Variants in MINDY2 observed in about 807,000 individuals in gnomAD.
MINDY2 encodes the protein ubiquitin carboxyl-terminal hydrolase MINDY-2.
In MINDY2, 52 loss-of-function variants were observed where a neutral mutation model predicts 68.2. The ratio of observed to expected loss-of-function variants is 0.76; its 90% CI spans 0.61 to 0.96. The LOEUF is 0.96. MINDY2 is among the 40% of genes least tolerant of loss of function. The pLI, the probability that MINDY2 is intolerant of heterozygous loss-of-function variation, is 0.00. For missense variants in MINDY2, 881 were observed against 773.4 expected (o/e 1.14, Z -1.65); for synonymous variants, 372 against 303.0 (o/e 1.23, Z -2.36).
intron 4 of MINDY2, among the ~76,000 whole-genome samples, chr15:58,816,861 G>A (rs1460129764): frequency 1.3e-5 from 2 of 152,132 alleles, no homozygotes; most frequent in Non-Finnish European, 2.9e-5. Flanking sequence ...GCTGAGGTAG[G>A]AGAATCACTT....
At chr15:58,829,981 C>A (rs1484374594) in intron 5 of MINDY2, among the ~76,000 whole-genome samples, 1 of 151,976 alleles carries the variant, frequency 6.6e-6, no homozygotes, top group Non-Finnish European at 1.5e-5. Flanking sequence ...ATCTTTAGTC[C>A]CTGTATCTAT....
chr15:58,809,128 C>T (rs1341386700), intron 3 of MINDY2, among the ~76,000 whole-genome samples: 1 of 152,164 alleles, frequency 6.6e-6, no homozygotes, highest in Non-Finnish European at 1.5e-5. Flanking sequence ...GGGAGGATCA[C>T]TTGAGCCCAG....
intron 2 of MINDY2, among the ~76,000 whole-genome samples, chr15:58,800,208 T>C (rs1902549196): frequency 6.6e-6 from 1 of 152,198 alleles, no homozygotes; most frequent in Admixed American, 6.5e-5. Context: ...TGTTTTCTGT[T>C]TATTTAGAAT....
At position 58,861,588 on chromosome 15, in the gene MINDY2, A is replaced by G. The variant is rs2033219534; in HGVS notation, c.*6978A>G. 6.6e-6 allele frequency: 1 copy of G among 152,224 alleles called. No homozygotes were observed. The highest frequency in any genetic ancestry group is 1.5e-5 in the Non-Finnish European group (1 of 68,038). The allele number at this position is 152,224 out of a possible 1,614,324, so 9.4% of individuals were successfully genotyped here. A position where few individuals can be genotyped will look rare whatever the true frequency, so the allele number is the denominator to read the frequency against. ...ATTTCTGTGAAATAAATTTGTTTTAAATACTAATTATTTTAAAACTACTTA... is the reference window on the plus strand; with the variant it reads ...ATTTCTGTGAAATAAATTTGTTTTAGATACTAATTATTTTAAAACTACTTA... On this transcript the variant is annotated 3_prime_UTR_variant, in exon 9 of 9. Transcript: ENST00000559228.
intron 3 of MINDY2, among the ~76,000 whole-genome samples, chr15:58,807,203 A>G (rs1026254732): frequency 6.6e-6 from 1 of 152,088 alleles, no homozygotes; most frequent in South Asian, 2.1e-4. Context: ...TGTCTTTAGT[A>G]TCTTGTACAG....
At chr15:58,807,098 A>G (rs1903065340) in intron 3 of MINDY2, among the ~76,000 whole-genome samples, 2 of 152,162 alleles carry the variant, frequency 1.3e-5, no homozygotes, top group Admixed American at 6.5e-5. Context: ...TCAAATTTCA[A>G]AGAGAATCCG....
intron 7 of MINDY2, among the ~76,000 whole-genome samples, chr15:58,850,492 C>T (rs2032758993): frequency 6.6e-6 from 1 of 152,080 alleles, no homozygotes; most frequent in South Asian, 2.1e-4. Context: ...GTGATTTAAA[C>T]TTTGTTGTTT....
In MINDY2 at chr15:58,857,099, C is replaced by T. The variant is rs1336415958; in HGVS notation, c.*2489C>T. ...CTTTTTCTATGTAATATTTCCAAGT[C>T]AGACTTTCTTACATTCCTGGAATTT... On this transcript the variant is annotated 3_prime_UTR_variant, in exon 9 of 9. Coordinates refer to ENST00000559228, the MANE Select transcript of MINDY2 (RefSeq NM_001040450.3). The T allele has an allele frequency of 6.6e-6, 1 of 152,114 alleles. No homozygotes were observed. Among genetic ancestry groups the T allele is most frequent in the Non-Finnish European group, 1.5e-5 (1 of 68,042 alleles). The allele number at this position is 152,114 out of a possible 1,614,324, so 9.4% of individuals were successfully genotyped here. A position where few individuals can be genotyped will look rare whatever the true frequency, so the allele number is the denominator to read the frequency against.
chr15:58,806,100 G>C (rs2140964011), intron 3 of MINDY2, among the ~76,000 whole-genome samples: 1 of 152,260 alleles, frequency 6.6e-6, no homozygotes, highest in East Asian at 1.9e-4. Flanking sequence ...AAAAGACAAA[G>C]TCTCCCTCTG....
chr15:58,852,490 A>G (rs1308116160), intron 8 of MINDY2, among the ~76,000 whole-genome samples: 1 of 152,146 alleles, frequency 6.6e-6, no homozygotes, highest in African/African-American at 2.4e-5. Flanking sequence ...AATTCGTAAT[A>G]GCTGCAAAGA....
intron 4 of MINDY2, among the ~76,000 whole-genome samples, chr15:58,821,186 G>C (rs1212412832): frequency 6.6e-6 from 1 of 151,338 alleles, no homozygotes; most frequent in Non-Finnish European, 1.5e-5. Context: ...TTTTCTTCAG[G>C]AAAATAACAT....
intron 2 of MINDY2, among the ~76,000 whole-genome samples, chr15:58,790,379 C>G (rs1901803019): frequency 6.6e-6 from 1 of 151,956 alleles, no homozygotes; most frequent in South Asian, 2.1e-4. Context: ...ATATGACTGT[C>G]AAGGAGTACA....
chr15:58,794,736 G>A (rs1822548920), intron 2 of MINDY2, among the ~76,000 whole-genome samples: 1 of 152,044 alleles, frequency 6.6e-6, no homozygotes, highest in South Asian at 2.1e-4. Context: ...CTGCATTGTC[G>A]TCAAGACAGA....
chr15:58,791,287 A>G (rs1382438635), intron 2 of MINDY2, among the ~76,000 whole-genome samples: 1 of 138,860 alleles, frequency 7.2e-6, no homozygotes, highest in African/African-American at 2.6e-5. Flanking sequence ...CTGGATCAGC[A>G]CTTTCAATTA....
rs2032189024 is a variant in MINDY2 at position 58,839,819 on chromosome 15, C to A, written c.1369-7478C>A. ...ATCTATTTATTTATTTTTACCACAGCTGATTTTATCTTTTTTTTTTTTTTT... is the reference window on the plus strand; with the variant it reads ...ATCTATTTATTTATTTTTACCACAGATGATTTTATCTTTTTTTTTTTTTTT... On this transcript the variant is annotated intron_variant, in intron 6 of 8. Coordinates refer to ENST00000559228, the MANE Select transcript of MINDY2 (RefSeq NM_001040450.3). 2.0e-5 allele frequency among the ~76,000 whole-genome samples: 3 copies of A among 151,284 alleles called. No individual in the cohort carries two copies. In the South Asian group the frequency reaches 6.3e-4, roughly 32 times the overall value.
At position 58,810,349 on chromosome 15, in the gene MINDY2, T is replaced by G; in HGVS notation, c.1083T>G (p.Leu361=). The G allele has an allele frequency of 1.2e-6, 2 of 1,611,990 alleles. No homozygotes were observed. Among genetic ancestry groups the G allele is most frequent in the South Asian group, 1.1e-5 (1 of 90,344 alleles). Residue 361 remains leucine (L), a synonymous_variant, in exon 4 of 9, where the codon CTT becomes CTG. Coordinates refer to ENST00000559228, the MANE Select transcript of MINDY2 (RefSeq NM_001040450.3). The part of the protein sequence containing the change: ...YTPECIVFDL[L]DIPLYHGWLV... ...CAGAATGCATAGTATTTGATCTTCT[T>G]GATATTCCTTTGTACCATGGGTGGT...
chr15:58,828,151 C>T (rs1296224465), intron 5 of MINDY2, among the ~76,000 whole-genome samples: 1 of 148,542 alleles, frequency 6.7e-6, no homozygotes, highest in African/African-American at 2.5e-5. Context: ...AGTGAGACTC[C>T]ATCTCAAAAA....
chr15:58,812,617 T>C (rs76476189), intron 4 of MINDY2, among the ~76,000 whole-genome samples: 3,896 of 152,062 alleles, frequency 0.026, 182 homozygotes, highest in African/African-American at 0.086. Flanking sequence ...CCTAGAACTT[T>C]GGGAGGCCAA....
Position 58,861,711 on chromosome 15 carries a change from A to G in MINDY2, c.*7101A>G, listed in dbSNP as rs2033222563. 6.6e-6 allele frequency: 1 copy of G among 152,252 alleles called. No individual in the cohort carries two copies. Among genetic ancestry groups the G allele is most frequent in the Admixed American group, 6.5e-5 (1 of 15,276 alleles). The allele number at this position is 152,252 out of a possible 1,614,324, so 9.4% of individuals were successfully genotyped here. A position where few individuals can be genotyped will look rare whatever the true frequency, so the allele number is the denominator to read the frequency against. ...TGGTAAAGTATAAAATATTTCTGAC[A>G]GAATTATTCAGTATTATTCAACATT... is the stretch of plus-strand genomic sequence containing the variant. On this transcript the variant is annotated 3_prime_UTR_variant, in exon 9 of 9. Transcript: ENST00000559228.
Sources: allele counts gnomAD v4.1 joint callset (sites outside exome capture counted in the v4.1 genomes callset), GRCh38; gene constraint gnomAD v4.1.1; transcripts MANE v1.5; gene names NCBI Gene and HGNC (gene_info 2026-07-23, HGNC 2026-07-21).